FSHR: variants seen among roughly 807,000 people sequenced by gnomAD.
FSHR encodes the protein follicle stimulating hormone receptor.
In FSHR, 46 loss-of-function variants were observed where a neutral mutation model predicts 52.1. The observed-to-expected ratio is 0.88, with a 90% CI of 0.70 to 1.13. The LOEUF (loss-of-function observed/expected upper bound fraction) is 1.13, where lower values mean the gene tolerates loss of function less well. Ranked by LOEUF, FSHR falls within the 50% of genes most tolerant of loss-of-function variation. FSHR has a pLI of 0.00. For synonymous variants in FSHR, 399 were observed against 309.6 expected, an observed-to-expected ratio of 1.29 and a Z score of -3.03; for missense variants, 964 against 834.6, an observed-to-expected ratio of 1.16 and a Z score of -1.91.
At chr2:48,986,276 T>C (rs1005197897) in intron 6 of FSHR, among the ~76,000 whole-genome samples, 8 of 152,166 alleles carry the variant, frequency 5.3e-5, no homozygotes, top group African/African-American at 1.7e-4. Context: ...TCCAGCTCTA[T>C]CCATGTTGCT....
At chr2:49,031,495 C>G (rs1486340741) in intron 2 of FSHR, among the ~76,000 whole-genome samples, 1 of 152,062 alleles carries the variant, frequency 6.6e-6, no homozygotes, top group Non-Finnish European at 1.5e-5. Context: ...CGTAAAGTAA[C>G]AAAGGTATAA....
At chr2:49,050,050 T>C (rs755922624) in intron 2 of FSHR, among the ~76,000 whole-genome samples, 2 of 151,942 alleles carry the variant, frequency 1.3e-5, no homozygotes, top group Non-Finnish European at 2.9e-5. Flanking sequence ...GACAAGAAAA[T>C]AGCTTCTTGT....
chr2:48,967,294 C>T (rs570872018), intron 9 of FSHR, among the ~76,000 whole-genome samples: 1 of 151,966 alleles, frequency 6.6e-6, no homozygotes, highest in Non-Finnish European at 1.5e-5. Flanking sequence ...AGACGAGGTC[C>T]CACCATGTTA....
intron 4 of FSHR, among the ~76,000 whole-genome samples, chr2:48,993,439 T>A (rs892544230): frequency 6.6e-6 from 1 of 152,140 alleles, no homozygotes; most frequent in African/African-American, 2.4e-5. Flanking sequence ...CATCTCAAAG[T>A]CCTCTTAGAT....
chr2:49,122,677 T>C (rs943554813), intron 1 of FSHR, among the ~76,000 whole-genome samples: 1 of 152,146 alleles, frequency 6.6e-6, no homozygotes, highest in African/African-American at 2.4e-5. Context: ...GATTTCCAAC[T>C]CCTACTCCAG....
At chr2:49,021,876 TATATATATATAGAGAGAGAGAGAGAG>T (rs1162095354) in intron 2 of FSHR, among the ~76,000 whole-genome samples, 1 of 65,190 alleles carries the variant, frequency 1.5e-5, no homozygotes, top group Non-Finnish European at 2.8e-5. Context: ...TATATATATA[TATATATATATAGAGAGAGAGAGAGAG>T]AGAGAGAGAG....
chr2:49,043,753 T>G (rs959488155), intron 2 of FSHR, among the ~76,000 whole-genome samples: 3 of 152,190 alleles, frequency 2.0e-5, no homozygotes, highest in African/African-American at 7.2e-5. Flanking sequence ...CAGAGCTCAG[T>G]GGGAGCCCAC....
chr2:49,110,182 G>A (rs1021167108), intron 1 of FSHR, among the ~76,000 whole-genome samples: 7 of 152,162 alleles, frequency 4.6e-5, no homozygotes, highest in Admixed American at 3.9e-4. Flanking sequence ...TATATGCCAA[G>A]CATGGTACTA....
chr2:49,006,711 A>T (rs1360597474), intron 4 of FSHR, among the ~76,000 whole-genome samples: 2 of 152,018 alleles, frequency 1.3e-5, no homozygotes, highest in Non-Finnish European at 2.9e-5. Context: ...AGCTCTACAG[A>T]GGTATTGCTA....
chr2:49,119,052 T>C (rs904809867), intron 1 of FSHR, among the ~76,000 whole-genome samples: 2 of 152,198 alleles, frequency 1.3e-5, no homozygotes, highest in East Asian at 1.9e-4. Context: ...CTACCAGCGT[T>C]TGGGGACCTC....
intron 2 of FSHR, among the ~76,000 whole-genome samples, chr2:49,043,258 TCTC>T (rs926674629): frequency 1.3e-5 from 2 of 150,170 alleles, no homozygotes; most frequent in African/African-American, 4.9e-5. Flanking sequence ...GTTTGCCACT[TCTC>T]CTATGTGTGC....
At chr2:48,969,271 T>G (rs1573020742) in intron 8 of FSHR, among the ~76,000 whole-genome samples, 1 of 152,180 alleles carries the variant, frequency 6.6e-6, no homozygotes, top group East Asian at 1.9e-4. Context: ...TAAAACTAGC[T>G]ATAAAAATAT....
At chr2:48,984,822 A>G (rs879334587) in intron 6 of FSHR, among the ~76,000 whole-genome samples, 5 of 152,200 alleles carry the variant, frequency 3.3e-5, no homozygotes, top group Non-Finnish European at 2.9e-5. Flanking sequence ...CGATGTTGCT[A>G]TAATCAAATA....
chr2:49,042,816 T>G (rs754833107), intron 2 of FSHR, among the ~76,000 whole-genome samples: 1 of 152,190 alleles, frequency 6.6e-6, no homozygotes, highest in Non-Finnish European at 1.5e-5. Flanking sequence ...TGTGGCATAT[T>G]TGGTTCAGTC....
At chr2:49,130,690 C>A (rs567306013) in intron 1 of FSHR, among the ~76,000 whole-genome samples, 20 of 152,238 alleles carry the variant, frequency 1.3e-4, no homozygotes, top group African/African-American at 4.8e-4. Flanking sequence ...GATACTTTAT[C>A]CCTCAGGGGC....
intron 2 of FSHR, among the ~76,000 whole-genome samples, chr2:49,051,105 G>T (rs1461272366): frequency 1.3e-5 from 2 of 152,070 alleles, no homozygotes; most frequent in South Asian, 2.1e-4. Context: ...AAATTGTGTG[G>T]ATATCATACC....
intron 1 of FSHR, among the ~76,000 whole-genome samples, chr2:49,138,181 T>C (rs1177827712): frequency 6.6e-6 from 1 of 152,084 alleles, no homozygotes; most frequent in Non-Finnish European, 1.5e-5. Flanking sequence ...CACTTTATAC[T>C]CAAGAGGATT....
intron 2 of FSHR, among the ~76,000 whole-genome samples, chr2:49,057,854 A>G (rs1203371555): frequency 6.6e-6 from 1 of 152,258 alleles, no homozygotes; most frequent in Non-Finnish European, 1.5e-5. Flanking sequence ...GAGAAATGCA[A>G]GAATGTTTTA....
At chr2:49,005,977 G>A (rs1033748725) in intron 4 of FSHR, among the ~76,000 whole-genome samples, 2 of 152,084 alleles carry the variant, frequency 1.3e-5, no homozygotes, top group Non-Finnish European at 2.9e-5. Context: ...CTATAAAGCA[G>A]GCAGAAAAAA....
Sources: gnomAD v4.1 joint callset for allele counts (sites outside exome capture counted in the v4.1 genomes callset) on GRCh38, gnomAD v4.1.1 for gene constraint, MANE v1.5 for transcripts, NCBI Gene and HGNC (gene_info 2026-07-23, HGNC 2026-07-21) for gene names.